Variants in SAMD3 observed in about 807,000 individuals in gnomAD.
The protein encoded by SAMD3 is sterile alpha motif domain-containing protein 3.
In SAMD3, 63 loss-of-function variants were observed where a neutral mutation model predicts 58.5. The observed-to-expected ratio is 1.08, with a 90% confidence interval of 0.88 to 1.33. The LOEUF is 1.33. SAMD3 is among the 40% of genes most tolerant of loss of function. The probability of loss-of-function intolerance (pLI) is 0.00; values close to 1 mark genes in which losing one functional copy is unlikely to be tolerated. For synonymous variants in SAMD3, 220 were observed against 210.3 expected, an observed-to-expected ratio of 1.05 and a Z score of -0.40; for missense variants, 604 against 608.4, an observed-to-expected ratio of 0.99 and a Z score of 0.08.
intron 1 of SAMD3, among the ~76,000 whole-genome samples, chr6:130,337,484 T>C (rs149550803): frequency 9.2e-4 from 140 of 152,312 alleles, no homozygotes; most frequent in East Asian, 1.7e-3. Flanking sequence ...AAATTGGTAC[T>C]GGGAATGGTA....
chr6:130,338,341 C>A (rs1051806709), intron 1 of SAMD3, among the ~76,000 whole-genome samples: 1 of 152,222 alleles, frequency 6.6e-6, no homozygotes, highest in Non-Finnish European at 1.5e-5. Context: ...CAGAAGTCTG[C>A]TGCAAGGGGC....
intron 1 of SAMD3, among the ~76,000 whole-genome samples, chr6:130,335,371 C>A (rs191391931): frequency 1.3e-5 from 2 of 152,336 alleles, no homozygotes; most frequent in Admixed American, 1.3e-4. Context: ...AGTTGCCACT[C>A]AGGAGACAAT....
intron 2 of SAMD3, among the ~76,000 whole-genome samples, chr6:130,275,118 G>T (rs1774729170): frequency 6.6e-6 from 1 of 152,056 alleles, no homozygotes; most frequent in Non-Finnish European, 1.5e-5. Flanking sequence ...GAGAAACACT[G>T]CTCATAAATG....
At chr6:130,232,084 C>T (rs1796563969) in intron 2 of SAMD3, among the ~76,000 whole-genome samples, 1 of 152,074 alleles carries the variant, frequency 6.6e-6, no homozygotes, top group African/African-American at 2.4e-5. Flanking sequence ...ATAGACAGTT[C>T]CTGGATCGAT....
chr6:130,266,256 GT>G (rs1774352000), intron 2 of SAMD3, among the ~76,000 whole-genome samples: 1 of 152,120 alleles, frequency 6.6e-6, no homozygotes, highest in Admixed American at 6.5e-5. Flanking sequence ...CAAGAAATTT[GT>G]TTTTGCAATT....
At chr6:130,143,427 A>G (rs1328575317), downstream of SAMD3, among the ~76,000 whole-genome samples, 1 of 152,104 alleles carries the variant, frequency 6.6e-6, no homozygotes, top group East Asian at 1.9e-4. Context: ...TTTTTTTAGT[A>G]GAGACAGCGT....
At chr6:130,282,607 G>A (rs1437434127) in intron 2 of SAMD3, among the ~76,000 whole-genome samples, 1 of 151,996 alleles carries the variant, frequency 6.6e-6, no homozygotes, top group African/African-American at 2.4e-5. Flanking sequence ...ACTTTCAAAA[G>A]TACTGGACTT....
intron 2 of SAMD3, among the ~76,000 whole-genome samples, chr6:130,269,067 T>C (rs935908039): frequency 6.6e-6 from 1 of 152,218 alleles, no homozygotes; most frequent in African/African-American, 2.4e-5. Flanking sequence ...ACTCCTTTTC[T>C]TATTCTTAAA....
intron 2 of SAMD3, among the ~76,000 whole-genome samples, chr6:130,288,498 A>G (rs1342876342): frequency 1.3e-5 from 2 of 152,244 alleles, no homozygotes; most frequent in African/African-American, 4.8e-5. Context: ...CTGGTGTTTG[A>G]CTAAACAACT....
chr6:130,224,614 TTATTA>T (rs1796335915), upstream of SAMD3, among the ~76,000 whole-genome samples: 1 of 136,414 alleles, frequency 7.3e-6, no homozygotes, highest in East Asian at 2.0e-4. Flanking sequence ...ATTATTATTA[TTATTA>T]TTATTATTAT....
intron 2 of SAMD3, among the ~76,000 whole-genome samples, chr6:130,303,786 C>G (rs1259035221): frequency 1.3e-5 from 2 of 152,126 alleles, no homozygotes; most frequent in Non-Finnish European, 2.9e-5. Flanking sequence ...ACTTTATTGG[C>G]CTGGTAATCT....
At chr6:130,177,567 T>C (rs1450023618) in intron 7 of SAMD3, among the ~76,000 whole-genome samples, 2 of 152,222 alleles carry the variant, frequency 1.3e-5, no homozygotes, top group Non-Finnish European at 2.9e-5. Context: ...CAGCTTAGCC[T>C]GTGCTTCATG....
chr6:130,184,207 G>A lies in SAMD3; in HGVS notation c.570-20C>T, dbSNP rs759944146. On this transcript the variant is annotated intron_variant, in intron 6 of 11. Coordinates refer to ENST00000439090, the MANE Select transcript of SAMD3 (RefSeq NM_001017373.4). ...GGGTACCTGTTCACCAAAACAAGGAGGATATGTTTCACTTCAAGCAAACCA... is the reference window on the plus strand; with the variant it reads ...GGGTACCTGTTCACCAAAACAAGGAAGATATGTTTCACTTCAAGCAAACCA... 1 of 1,584,152 alleles carries A rather than the reference G, an allele frequency of 6.3e-7. No individual in the cohort carries two copies. Among genetic ancestry groups the A allele is most frequent in the South Asian group, 1.1e-5 (1 of 88,756 alleles).
intron 5 of SAMD3, among the ~76,000 whole-genome samples, chr6:130,201,307 C>A (rs558598866): frequency 6.6e-6 from 1 of 152,108 alleles, no homozygotes; most frequent in Non-Finnish European, 1.5e-5. Context: ...TCTCACTATA[C>A]ATTATAATTA....
intron 1 of SAMD3, among the ~76,000 whole-genome samples, chr6:130,352,830 G>C (rs1173972182): frequency 6.6e-6 from 1 of 152,130 alleles, no homozygotes; most frequent in East Asian, 1.9e-4. Context: ...AATTCTCAGA[G>C]CTCTTATATT....
At chr6:130,347,494 G>T (rs953864316) in intron 1 of SAMD3, among the ~76,000 whole-genome samples, 13 of 152,172 alleles carry the variant, frequency 8.5e-5, no homozygotes, top group Non-Finnish European at 1.2e-4. Context: ...AAGATCAAAT[G>T]AATGAAACGA....
At position 130,209,588 on chromosome 6, in the gene SAMD3, G is replaced by A; in HGVS notation, c.290C>T (p.Ser97Phe). ...AARDYRDEES[S>F]SPARHGEQMP... is the part of the protein sequence containing the mutation. ...CTGCTCCCCATGCCTGGCTGGACTG[G>A]AGGACTCTTCATCCCTGTAACTAAG... The change falls in exon 5 of 12, where the codon TCC becomes TTC. Residue 97 changes from serine to phenylalanine, a missense_variant. By Grantham distance (155) the Ser-to-Phe change is radical. Transcript: ENST00000439090. 6.2e-7 allele frequency: 1 copy of A among 1,613,062 alleles called. No individual in the cohort carries two copies. Among genetic ancestry groups the A allele is most frequent in the African/African-American group, 1.3e-5 (1 of 75,022 alleles).
chr6:130,326,528 A>G (rs1776767345), intron 1 of SAMD3, among the ~76,000 whole-genome samples: 1 of 152,066 alleles, frequency 6.6e-6, no homozygotes, highest in South Asian at 2.1e-4. Context: ...CTTGTATCAC[A>G]TTCTATTTTA....
At chr6:130,334,070 C>T (rs1473802907) in intron 1 of SAMD3, among the ~76,000 whole-genome samples, 2 of 152,208 alleles carry the variant, frequency 1.3e-5, no homozygotes, top group Admixed American at 1.3e-4. Flanking sequence ...CTTTCTCCTT[C>T]CTCATCCCCT....
Sources: gnomAD v4.1 joint callset for allele counts (sites outside exome capture counted in the v4.1 genomes callset) on GRCh38, gnomAD v4.1.1 for gene constraint, MANE v1.5 for transcripts, NCBI Gene and HGNC (gene_info 2026-07-23, HGNC 2026-07-21) for gene names.